The following LONRF1 variants were observed in gnomAD, a reference collection of about 807,000 sequenced individuals.
LONRF1 encodes the protein LON peptidase N-terminal domain and ring finger 1.
LONRF1 carries 37 observed loss-of-function variants against 85.8 expected under a neutral mutation model. That is an observed-to-expected ratio of 0.43 (90% confidence interval 0.33 to 0.57). LONRF1 has a LOEUF of 0.57. Among genes scored for constraint, LONRF1 ranks in the 20% least tolerant of loss-of-function variants. The probability of loss-of-function intolerance (pLI) is 0.04; values close to 1 mark genes in which losing one functional copy is unlikely to be tolerated. For synonymous variants in LONRF1, 517 were observed against 390.1 expected, an observed-to-expected ratio of 1.33 and a Z score of -3.83; for missense variants, 1,036 against 978.0, an observed-to-expected ratio of 1.06 and a Z score of -0.79.
chr8:12,745,719 C>T (rs968060161), intron 1 of LONRF1, among the ~76,000 whole-genome samples: 2 of 152,022 alleles, frequency 1.3e-5, no homozygotes, highest in East Asian at 3.9e-4. Context: ...TTTTTGAAAT[C>T]GACAAAATTT....
chr8:12,741,199 C>T (rs1436052520), intron 2 of LONRF1, among the ~76,000 whole-genome samples: 1 of 152,126 alleles, frequency 6.6e-6, no homozygotes, highest in African/African-American at 2.4e-5. Context: ...GTCTGGTCAA[C>T]ATGGTGAAAC....
Position 12,755,178 on chromosome 8 carries a change from G to A in LONRF1, c.243C>T (p.Ala81=). The part of the protein sequence containing the change: ...FAAALRRGAP[A]RPECLGALVD... ...CCAGGGCGCCCAGGCACTCGGGCCTGGCCGGGGCCCCGCGGCGCAGCGCCG... is the reference window on the plus strand; with the variant it reads ...CCAGGGCGCCCAGGCACTCGGGCCTAGCCGGGGCCCCGCGGCGCAGCGCCG... The change falls in exon 1 of 12, where the codon GCC becomes GCT. Residue 81 remains alanine, a synonymous_variant. Transcript: ENST00000398246. 7.4e-7 allele frequency: 1 copy of A among 1,342,542 alleles called. No homozygotes were observed. Among genetic ancestry groups the A allele is most frequent in the South Asian group, 1.9e-5 (1 of 52,884 alleles). The allele number at this position is 1,342,542 out of a possible 1,614,324, so 83.2% of individuals were successfully genotyped here. A position where few individuals can be genotyped will look rare whatever the true frequency, so the allele number is the denominator to read the frequency against.
At chr8:12,732,068 C>G (rs1182755322) in intron 7 of LONRF1, among the ~76,000 whole-genome samples, 3 of 152,180 alleles carry the variant, frequency 2.0e-5, no homozygotes, top group Non-Finnish European at 4.4e-5. Context: ...TGGCTGCAAC[C>G]TGAACCAAGC....
At chr8:12,723,789 A>G (rs976439530) in intron 11 of LONRF1, among the ~76,000 whole-genome samples, 1 of 152,248 alleles carries the variant, frequency 6.6e-6, no homozygotes, top group Non-Finnish European at 1.5e-5. Flanking sequence ...AGAAATGTTA[A>G]TTGAGATTTA....
At chr8:12,740,379 T>A (rs1798884176) in intron 3 of LONRF1, among the ~76,000 whole-genome samples, 1 of 152,178 alleles carries the variant, frequency 6.6e-6, no homozygotes, top group Admixed American at 6.6e-5. Flanking sequence ...GCTCCCTTCC[T>A]TCCCCCATCT....
intron 3 of LONRF1, among the ~76,000 whole-genome samples, chr8:12,739,608 TTTA>T (rs1197680326): frequency 5.3e-5 from 8 of 152,306 alleles, no homozygotes; most frequent in African/African-American, 1.9e-4. Flanking sequence ...ATCCATGCAT[TTTA>T]TTATATGTAA....
At chr8:12,743,584 G>T (rs980009159) in intron 1 of LONRF1, among the ~76,000 whole-genome samples, 1 of 151,876 alleles carries the variant, frequency 6.6e-6, no homozygotes. Flanking sequence ...TTTAACAAAG[G>T]GTAGTCTATA....
intron 10 of LONRF1, among the ~76,000 whole-genome samples, chr8:12,728,132 TA>T (rs1457597930): frequency 1.3e-5 from 2 of 152,178 alleles, no homozygotes; most frequent in African/African-American, 4.8e-5. Context: ...AGAGAAGGGA[TA>T]AGATCTATGT....
In LONRF1 at chr8:12,753,386, T is replaced by C. The variant is rs1799487179; in HGVS notation, c.721+1314A>G. ...GTTGCTATTCTAGATGTCTGTTTTC[T>C]TGGGGATTATTCCCCTATCATTTCA... On this transcript the variant is annotated intron_variant, in intron 1 of 11. Coordinates refer to ENST00000398246, the MANE Select transcript of LONRF1 (RefSeq NM_152271.5). 3.3e-5 allele frequency: 5 copies of C among 152,380 alleles called. 1 individual carries two copies. The South Asian group carries it at 1.0e-3, about 32-fold the overall frequency. The allele number at this position is 152,380 out of a possible 1,614,324, so 9.4% of individuals were successfully genotyped here.
Position 12,754,883 on chromosome 8 carries a change from G to T in LONRF1, c.538C>A (p.Pro180Thr). The T allele has an allele frequency of 6.7e-7, 1 of 1,494,174 alleles. No homozygotes were observed. The allele number at this position is 1,494,174 out of a possible 1,614,324, so 92.6% of individuals were successfully genotyped here. Residue 180 changes from proline to threonine, a missense_variant, in exon 1 of 12, where the codon CCG (proline) becomes ACG (threonine). Physicochemically the swap from Pro to Thr is conservative, Grantham distance 38. This residue lies in a region of LONRF1 where 742 missense variants were observed against 614.4 expected (regional missense o/e 1.21). Transcript: ENST00000398246. The stretch of plus-strand genomic sequence containing the variant: ...GCGGCGATGGCGGCGGCCAGAGGCG[G>T]CGGCCGCGGGGCGGTCCCTTCAGCA... ...TDAEGTAPRP[P>T]PLAAAIAASD...
intron 1 of LONRF1, chr8:12,753,271 A>G (rs1431596350): frequency 6.6e-6 from 1 of 152,258 alleles, no homozygotes; most frequent in African/African-American, 2.4e-5. Flanking sequence ...CATTAGTTCA[A>G]TATGACTAAG....
chr8:12,753,534 A>G (rs998813166), intron 1 of LONRF1: 1 of 152,196 alleles, frequency 6.6e-6, no homozygotes, highest in Non-Finnish European at 1.5e-5. Flanking sequence ...ATGTCTGAGC[A>G]GCACCCCAGC....
chr8:12,735,661 C>A (rs1798690876), intron 6 of LONRF1: 1 of 356,228 alleles, frequency 2.8e-6, no homozygotes, highest in African/African-American at 2.1e-5. Flanking sequence ...AGCCCCTGGA[C>A]ACTATGGCTA....
chr8:12,754,600 G>A, intron 1 of LONRF1, 100 bp downstream of exon 1: 4 of 1,204,934 alleles, frequency 3.3e-6, no homozygotes, highest in Non-Finnish European at 4.1e-6. Context: ...CCCCGGGGAA[G>A]CAGAGGAGAC....
At chr8:12,744,918 C>T (rs1271994594) in intron 1 of LONRF1, among the ~76,000 whole-genome samples, 29 of 151,646 alleles carry the variant, frequency 1.9e-4, no homozygotes, top group Non-Finnish European at 4.4e-5. Context: ...CAAGTTCTCA[C>T]TCCTTTATAT....
chr8:12,747,122 CAATTCAT>C (rs1443791671), intron 1 of LONRF1, among the ~76,000 whole-genome samples: 1 of 152,172 alleles, frequency 6.6e-6, no homozygotes, highest in African/African-American at 2.4e-5. Flanking sequence ...TCCTTAAGCT[CAATTCAT>C]GTTCCCATTT....
intron 11 of LONRF1, 64 bp from the exon 12 acceptor site, chr8:12,723,318 C>G: frequency 6.8e-7 from 1 of 1,480,332 alleles, no homozygotes. Context: ...CAGTAGCAAA[C>G]CACCAAAAAA....
intron 1 of LONRF1, among the ~76,000 whole-genome samples, chr8:12,750,259 C>T (rs1233329630): frequency 2.0e-5 from 3 of 152,172 alleles, no homozygotes; most frequent in Non-Finnish European, 4.4e-5. Context: ...ATACAGACAT[C>T]AGTGTTTACT....
At chr8:12,749,300 C>G (rs568942812) in intron 1 of LONRF1, among the ~76,000 whole-genome samples, 1 of 152,022 alleles carries the variant, frequency 6.6e-6, no homozygotes, top group Non-Finnish European at 1.5e-5. Flanking sequence ...GACTGGACAA[C>G]AGACAGCACA....
Sources: allele counts gnomAD v4.1 joint callset (sites outside exome capture counted in the v4.1 genomes callset), GRCh38; gene constraint gnomAD v4.1.1; regional missense constraint gnomAD v4.1.1; transcripts MANE v1.5; gene names NCBI Gene and HGNC (gene_info 2026-07-23, HGNC 2026-07-21).